GLI2: variants seen among roughly 807,000 people sequenced by gnomAD.
GLI2 encodes the protein transcription activator GLI2.
In GLI2, 22 loss-of-function variants were observed where a neutral mutation model predicts 78.9. That is an observed-to-expected ratio of 0.28 (90% CI 0.20 to 0.40). The LOEUF is 0.40. Among genes scored for constraint, GLI2 ranks in the 10% least tolerant of loss-of-function variants. GLI2 has a pLI of 1.00. For missense variants in GLI2, 2,097 were observed against 2,213.2 expected (o/e 0.95, Z 1.05); for synonymous variants, 974 against 963.7 (o/e 1.01, Z -0.20).
Position 120,990,879 on chromosome 2 carries a change from GA to G in GLI2, c.*210del. On this transcript the variant is annotated 3_prime_UTR_variant, in exon 14 of 14. Transcript: ENST00000361492. ...CTTTTGGATTATTCCTCAGAACAAT[GA>G]AAAAAGTCTCCATAGGACAGGAAGG... 2 of 587,928 alleles carry G rather than the reference GA, an allele frequency of 3.4e-6. No homozygotes were observed. The highest frequency in any genetic ancestry group is 2.2e-5 in the South Asian group (1 of 46,284). The allele number at this position is 587,928 out of a possible 1,614,324, so 36.4% of individuals were successfully genotyped here.
At chr2:120,815,703 G>A (rs753595027) in intron 2 of GLI2, among the ~76,000 whole-genome samples, 2 of 152,310 alleles carry the variant, frequency 1.3e-5, no homozygotes, top group Non-Finnish European at 2.9e-5. Context: ...GTTAGAGTCC[G>A]ATCAGTGGAG....
intron 2 of GLI2, among the ~76,000 whole-genome samples, chr2:120,839,698 G>A (rs988106113): frequency 2.6e-5 from 4 of 152,182 alleles, no homozygotes; most frequent in African/African-American, 9.7e-5. Flanking sequence ...GAGTAGCTGG[G>A]ATTACAGGCG....
intron 1 of GLI2, among the ~76,000 whole-genome samples, chr2:120,780,334 G>T (rs141225069): frequency 0.012 from 1,814 of 152,334 alleles, 15 homozygotes; most frequent in Non-Finnish European, 0.019. Flanking sequence ...CTGGGAGCAG[G>T]CATCTTCCCC....
intron 5 of GLI2, among the ~76,000 whole-genome samples, chr2:120,964,764 G>A (rs1681754629): frequency 6.6e-6 from 1 of 152,240 alleles, no homozygotes; most frequent in Non-Finnish European, 1.5e-5. Flanking sequence ...TCACTCTTCA[G>A]AGCCACTGAA....
intron 1 of GLI2, among the ~76,000 whole-genome samples, chr2:120,794,121 A>G (rs2104689790): frequency 6.6e-6 from 1 of 152,326 alleles, no homozygotes; most frequent in East Asian, 1.9e-4. Flanking sequence ...GATGAATGTA[A>G]TACGGGGGTG....
intron 1 of GLI2, among the ~76,000 whole-genome samples, chr2:120,777,371 G>A (rs902570826): frequency 5.9e-5 from 9 of 152,018 alleles, no homozygotes; most frequent in South Asian, 2.1e-4. Context: ...GGGGTGAGGC[G>A]TGTCTGAACG....
intron 2 of GLI2, among the ~76,000 whole-genome samples, chr2:120,905,061 C>T (rs924323321): frequency 2.6e-5 from 4 of 152,256 alleles, no homozygotes; most frequent in African/African-American, 9.6e-5. Flanking sequence ...GGTACCGACA[C>T]AGGGCACTTA....
intron 2 of GLI2, among the ~76,000 whole-genome samples, chr2:120,834,326 A>G (rs1686504662): frequency 6.6e-6 from 1 of 152,192 alleles, no homozygotes; most frequent in Non-Finnish European, 1.5e-5. Flanking sequence ...AGGGCTGGCA[A>G]GGCAGGGCCA....
At chr2:120,937,668 C>A (rs1048248930) in intron 3 of GLI2, among the ~76,000 whole-genome samples, 1 of 152,192 alleles carries the variant, frequency 6.6e-6, no homozygotes, top group African/African-American at 2.4e-5. Context: ...TCCAGGCAGA[C>A]ACCAGTGCCA....
At chr2:120,818,659 G>A (rs924423949) in intron 2 of GLI2, among the ~76,000 whole-genome samples, 2 of 152,160 alleles carry the variant, frequency 1.3e-5, no homozygotes, top group East Asian at 1.9e-4. Context: ...GGCCCCAGGC[G>A]TGTCTCTCCA....
chr2:120,931,825 C>T (rs1157316615), intron 3 of GLI2, among the ~76,000 whole-genome samples: 1 of 152,058 alleles, frequency 6.6e-6, no homozygotes, highest in Non-Finnish European at 1.5e-5. Flanking sequence ...CAGATCTCCT[C>T]CCCAGCCAAG....
Position 120,984,628 on chromosome 2 carries a change from G to A in GLI2, c.1790G>A (p.Gly597Glu). 6.2e-7 allele frequency: 1 copy of A among 1,614,190 alleles called. No homozygotes were observed. Among genetic ancestry groups the A allele is most frequent in the South Asian group, 1.1e-5 (1 of 91,084 alleles). Residue 597 changes from glycine (G) to glutamate (E), a missense_variant, in exon 12 of 14, where the codon GGG (glycine) becomes GAG (glutamate). By Grantham distance (98) the Gly-to-Glu change is moderately conservative. Around this residue, in one of 5 missense-constraint regions of GLI2, gnomAD observed 57 missense variants for 44.5 expected, o/e 1.28. Coordinates refer to ENST00000361492, the MANE Select transcript of GLI2 (RefSeq NM_001374353.1). ...HLRTPLLKEN[G>E]DSEAGTEPGG... Reference sequence around the variant, plus strand: ...CGCACACCGCTGCTCAAAGAGAATGGGGACAGTGAGGCCGGCACGGAGCCT... The same window carrying A: ...CGCACACCGCTGCTCAAAGAGAATGAGGACAGTGAGGCCGGCACGGAGCCT...
chr2:120,950,879 G>T (rs1680947878), intron 3 of GLI2, among the ~76,000 whole-genome samples: 1 of 152,234 alleles, frequency 6.6e-6, no homozygotes, highest in African/African-American at 2.4e-5. Context: ...TAGCATGCAA[G>T]CCTGTGCCTA....
chr2:120,972,606 A>G, intron 8 of GLI2: 1 of 517,892 alleles, frequency 1.9e-6, no homozygotes, highest in East Asian at 5.5e-5. Context: ...TCTGCACTCT[A>G]AGCTTTGGAG....
At position 120,811,538 on chromosome 2, in the gene GLI2, G is replaced by A. The variant is rs554980096; in HGVS notation, c.148+14070G>A. Among the ~76,000 whole-genome samples the A allele has an allele frequency of 3.6e-4, 55 of 152,248 alleles. 1 individual carries two copies. In the South Asian group the frequency reaches 6.0e-3, roughly 17 times the overall value. On this transcript the variant is annotated intron_variant, in intron 2 of 13. Coordinates refer to ENST00000361492, the MANE Select transcript of GLI2 (RefSeq NM_001374353.1). ...AGGTGGAGGTGAGCAGAGGCTCAAC[G>A]AGGGGTGGATGACAGGGCACATGCC...
chr2:120,752,419 G>A (rs1676702190), intron 1 of GLI2, among the ~76,000 whole-genome samples: 1 of 151,878 alleles, frequency 6.6e-6, no homozygotes, highest in African/African-American at 2.4e-5. Context: ...ACAGGCATCT[G>A]CCACGATGCT....
intron 3 of GLI2, among the ~76,000 whole-genome samples, chr2:120,930,593 A>T (rs926151264): frequency 6.6e-5 from 10 of 152,250 alleles, no homozygotes; most frequent in Admixed American, 1.3e-4. Flanking sequence ...TCGCTCCCAG[A>T]ACCCCTGGCC....
rs543128407 is a variant in GLI2 at position 120,816,215 on chromosome 2, G to A, written c.148+18747G>A. ...AGCTTTTTTTTTTTTTTTTGAGACT[G>A]AGTCTCGCTGTGTCGCCCAGACTGG... On this transcript the variant is annotated intron_variant, in intron 2 of 13. Transcript: ENST00000361492. Among the ~76,000 whole-genome samples, 3 of 128,870 alleles carry A rather than the reference G, an allele frequency of 2.3e-5. No homozygotes were observed. In the South Asian group the frequency reaches 7.5e-4, roughly 32 times the overall value. 84.5% of individuals were successfully genotyped at this position (128,870 alleles called of 152,430 possible).
At chr2:120,869,435 G>T (rs532125753) in intron 2 of GLI2, among the ~76,000 whole-genome samples, 30 of 152,260 alleles carry the variant, frequency 2.0e-4, no homozygotes, top group African/African-American at 7.0e-4. Flanking sequence ...TTTGAAGCAT[G>T]AAATGAATTT....
Sources: gnomAD v4.1 joint callset for allele counts (sites outside exome capture counted in the v4.1 genomes callset) on GRCh38, gnomAD v4.1.1 for gene constraint, gnomAD v4.1.1 regional missense constraint, MANE v1.5 for transcripts, NCBI Gene and HGNC (gene_info 2026-07-23, HGNC 2026-07-21) for gene names.